Variants in SPAG16 observed in about 807,000 individuals in gnomAD.
The protein encoded by SPAG16 is sperm associated antigen 16.
A neutral mutation model predicts 80.4 loss-of-function variants in SPAG16; 86 were observed. The observed-to-expected ratio is 1.07, with a 90% CI of 0.90 to 1.28. The LOEUF (loss-of-function observed/expected upper bound fraction) is 1.28. SPAG16 is among the 50% of genes most tolerant of loss of function. The probability of loss-of-function intolerance (pLI) is 0.00; values close to 1 mark genes in which losing one functional copy is unlikely to be tolerated. For synonymous variants in SPAG16, 294 were observed against 265.9 expected, an observed-to-expected ratio of 1.11 and a Z score of -1.03; for missense variants, 870 against 765.3, an observed-to-expected ratio of 1.14 and a Z score of -1.61.
intron 9 of SPAG16, among the ~76,000 whole-genome samples, chr2:213,473,128 G>C (rs1349641953): frequency 6.6e-6 from 1 of 152,130 alleles, no homozygotes; most frequent in Admixed American, 6.5e-5. Flanking sequence ...TATAAATTAA[G>C]TAGAAATACA....
At chr2:213,479,273 C>T (rs75191906) in intron 9 of SPAG16, among the ~76,000 whole-genome samples, 3,579 of 151,952 alleles carry the variant, frequency 0.024, 59 homozygotes, top group South Asian at 0.038. Flanking sequence ...GCCAGATTGC[C>T]GCATGTATAA....
chr2:213,622,766 A>G (rs2061832296), intron 10 of SPAG16, among the ~76,000 whole-genome samples: 1 of 152,218 alleles, frequency 6.6e-6, no homozygotes, highest in Non-Finnish European at 1.5e-5. Flanking sequence ...TATATTTTAT[A>G]GAAGAATAAC....
chr2:213,594,578 A>G (rs1013913840), intron 10 of SPAG16, among the ~76,000 whole-genome samples: 1 of 152,118 alleles, frequency 6.6e-6, no homozygotes, highest in African/African-American at 2.4e-5. Context: ...TAAATCTCAA[A>G]TATCATTGCC....
intron 8 of SPAG16, among the ~76,000 whole-genome samples, chr2:213,370,264 A>G (rs1396919108): frequency 6.6e-6 from 1 of 152,198 alleles, no homozygotes; most frequent in Non-Finnish European, 1.5e-5. Context: ...AGAAATACTT[A>G]TGTTTTAATG....
intron 15 of SPAG16, among the ~76,000 whole-genome samples, chr2:214,391,111 T>A (rs1225355860): frequency 6.6e-6 from 1 of 152,132 alleles, no homozygotes; most frequent in Non-Finnish European, 1.5e-5. Flanking sequence ...GCATATGGAT[T>A]TGAGCAGAGA....
intron 12 of SPAG16, among the ~76,000 whole-genome samples, chr2:213,978,014 C>T (rs2106404001): frequency 6.6e-6 from 1 of 151,522 alleles, no homozygotes; most frequent in Middle Eastern, 3.4e-3. Context: ...ATGATGCGCA[C>T]CCTTAAATTC....
intron 15 of SPAG16, among the ~76,000 whole-genome samples, chr2:214,401,108 T>C (rs1408818013): frequency 1.3e-5 from 2 of 152,018 alleles, no homozygotes; most frequent in Non-Finnish European, 2.9e-5. Context: ...TCACATTTCA[T>C]ATCTCCTTTC....
intron 5 of SPAG16, among the ~76,000 whole-genome samples, chr2:213,318,151 C>T (rs1422201309): frequency 1.3e-5 from 2 of 151,972 alleles, no homozygotes; most frequent in Non-Finnish European, 2.9e-5. Context: ...TTCAGTCCAG[C>T]AGTTCCACTA....
chr2:214,149,061 A>G lies in SPAG16; in HGVS notation c.1594-79A>G, dbSNP rs1310575366. On this transcript the variant is annotated intron_variant, in intron 14 of 15. Transcript: ENST00000331683. ...ATATGTAGTGTGTGTGTGTATATAT[A>G]TATGTGTGTGTGTGTGTATATATAT... The G allele has an allele frequency of 2.2e-5, 7 of 318,276 alleles. No homozygotes were observed. The East Asian group carries it at 6.2e-4, about 28-fold the overall frequency. 19.7% of individuals were successfully genotyped at this position (318,276 alleles called of 1,614,324 possible). A position where few individuals can be genotyped will look rare whatever the true frequency, so the allele number is the denominator to read the frequency against.
chr2:213,922,194 A>C (rs1189599150), intron 11 of SPAG16, among the ~76,000 whole-genome samples: 1 of 152,110 alleles, frequency 6.6e-6, no homozygotes, highest in South Asian at 2.1e-4. Context: ...ACATAATCCT[A>C]TATCTTTTGG....
At chr2:213,637,331 A>G (rs771942403) in intron 10 of SPAG16, among the ~76,000 whole-genome samples, 2 of 152,118 alleles carry the variant, frequency 1.3e-5, no homozygotes, top group Non-Finnish European at 2.9e-5. Context: ...ATGCTGTTAG[A>G]TTCAGCTAGT....
At position 213,454,001 on chromosome 2, in the gene SPAG16, C is replaced by G. The variant is rs963443271; in HGVS notation, c.943-35962C>G. Among the ~76,000 whole-genome samples the G allele has an allele frequency of 3.3e-5, 5 of 152,114 alleles. No individual in the cohort carries two copies. The East Asian group carries it at 9.6e-4, about 29-fold the overall frequency. On this transcript the variant is annotated intron_variant, in intron 9 of 15. Coordinates refer to ENST00000331683, the MANE Select transcript of SPAG16 (RefSeq NM_024532.5). The stretch of plus-strand genomic sequence containing the variant: ...TTCTTCCCTTCCTTTATCTATTACT[C>G]TCTTTCTTCCTCCCCTTCTCCATGA...
intron 12 of SPAG16, among the ~76,000 whole-genome samples, chr2:213,960,837 C>T (rs369704940): frequency 2.6e-3 from 389 of 152,214 alleles, no homozygotes; most frequent in African/African-American, 8.9e-3. Flanking sequence ...GGTGGGGGAG[C>T]GCTTGCAATA....
chr2:213,575,329 T>G (rs1335202597), intron 10 of SPAG16, among the ~76,000 whole-genome samples: 1 of 152,168 alleles, frequency 6.6e-6, no homozygotes, highest in Non-Finnish European at 1.5e-5. Flanking sequence ...TTTTATAGGA[T>G]TTTGTTTTGT....
chr2:214,145,974 C>G (rs893241938), intron 14 of SPAG16, among the ~76,000 whole-genome samples: 2 of 152,130 alleles, frequency 1.3e-5, no homozygotes, highest in African/African-American at 4.8e-5. Context: ...TTCTGCACAT[C>G]CACCTTCAGT....
chr2:213,954,553 T>C (rs527471744), intron 12 of SPAG16, among the ~76,000 whole-genome samples: 19 of 152,240 alleles, frequency 1.2e-4, no homozygotes, highest in African/African-American at 3.8e-4. Context: ...AATGTGCAGG[T>C]TTGTTACATA....
chr2:213,673,603 T>C (rs1222243336), intron 10 of SPAG16, among the ~76,000 whole-genome samples: 2 of 152,186 alleles, frequency 1.3e-5, no homozygotes, highest in Non-Finnish European at 2.9e-5. Context: ...CAATCTAATA[T>C]ATGCATACAA....
At position 213,856,169 on chromosome 2, in the gene SPAG16, G is replaced by A. The variant is rs369870932; in HGVS notation, c.1071-6316G>A. Reference sequence around the variant, plus strand: ...CAAAACAAAGGGGCTACAGGTGCCAGACAAGTCCAAAATCCAGTAGGGCAG... The same window carrying A: ...CAAAACAAAGGGGCTACAGGTGCCAAACAAGTCCAAAATCCAGTAGGGCAG... On this transcript the variant is annotated intron_variant, in intron 10 of 15. Coordinates refer to ENST00000331683, the MANE Select transcript of SPAG16 (RefSeq NM_024532.5). Among the ~76,000 whole-genome samples the A allele has an allele frequency of 1.4e-4, 22 of 152,312 alleles. No homozygotes were observed. In the East Asian group the frequency reaches 2.5e-3, roughly 17 times the overall value.
chr2:213,833,010 G>C (rs561472719), intron 10 of SPAG16, among the ~76,000 whole-genome samples: 2 of 151,906 alleles, frequency 1.3e-5, no homozygotes, highest in African/African-American at 2.4e-5. Context: ...AATACTTTTT[G>C]ATTCAAATTT....
Sources: allele counts gnomAD v4.1 joint callset (sites outside exome capture counted in the v4.1 genomes callset), GRCh38; gene constraint gnomAD v4.1.1; transcripts MANE v1.5; gene names NCBI Gene and HGNC (gene_info 2026-07-23, HGNC 2026-07-21).